The following FHAD1 variants were observed in gnomAD, a reference collection of about 807,000 sequenced individuals.
The protein encoded by FHAD1 is forkhead-associated domain-containing protein 1.
In FHAD1, 146 loss-of-function variants were observed where a neutral mutation model predicts 191.3. That is an observed-to-expected ratio of 0.76 (90% CI 0.67 to 0.88). The LOEUF (loss-of-function observed/expected upper bound fraction) is 0.88, where lower values mean the gene tolerates loss of function less well. FHAD1 is among the 40% of genes least tolerant of loss of function. The pLI is 0.00. For missense variants in FHAD1, 1,635 were observed against 1,785.8 expected (o/e 0.92, Z 1.52); for synonymous variants, 616 against 672.3 (o/e 0.92, Z 1.29).
At chr1:15,285,675 A>C (rs535389557) in intron 3 of FHAD1, among the ~76,000 whole-genome samples, 2 of 152,332 alleles carry the variant, frequency 1.3e-5, no homozygotes, top group South Asian at 4.1e-4. Context: ...ACAAGTGACA[A>C]AACCAGCTCA....
intron 18 of FHAD1, among the ~76,000 whole-genome samples, chr1:15,347,609 G>A (rs940654968): frequency 6.6e-6 from 1 of 152,176 alleles, no homozygotes; most frequent in African/African-American, 2.4e-5. Flanking sequence ...CACCATGCCT[G>A]GCTAATTTTT....
chr1:15,383,176 C>A (rs1192758886), intron 31 of FHAD1: 1 of 471,688 alleles, frequency 2.1e-6, no homozygotes, highest in Admixed American at 2.3e-5. Flanking sequence ...CTTCCAGCCC[C>A]TGCCTCGCAG....
downstream of FHAD1, among the ~76,000 whole-genome samples, chr1:15,398,823 CT>C (rs1172501958): frequency 2.3e-3 from 335 of 142,566 alleles, no homozygotes; most frequent in Middle Eastern, 0.011. Context: ...ATCATGAATA[CT>C]TTTTTTTTTT....
intron 33 of FHAD1, among the ~76,000 whole-genome samples, chr1:15,395,533 A>G (rs572748303): frequency 6.6e-5 from 10 of 152,110 alleles, no homozygotes; most frequent in South Asian, 6.2e-4. Flanking sequence ...CTCACAGCCC[A>G]TTACCCCGAC....
At chr1:15,293,501 C>CTT (rs1558025573) in intron 4 of FHAD1, among the ~76,000 whole-genome samples, 63 of 152,220 alleles carry the variant, frequency 4.1e-4, no homozygotes, top group African/African-American at 1.5e-3. Context: ...GGGCGAATCA[C>CTT]AAGGTCGGGA....
At position 15,272,998 on chromosome 1, in the gene FHAD1, C is replaced by G. The variant is rs1048923940; in HGVS notation, c.300+469C>G. On this transcript the variant is annotated intron_variant, in intron 3 of 33. Coordinates refer to ENST00000688493, the MANE Select transcript of FHAD1 (RefSeq NM_001391957.1). ...GAAACTCAGTGTCCAAGTAGACGCT[C>G]TTAACACATAAGCGCCTGAAAAGCC... Among the ~76,000 whole-genome samples the G allele has an allele frequency of 2.0e-4, 31 of 152,252 alleles. 1 individual carries two copies. Among genetic ancestry groups the G allele is most frequent in the Admixed American group, 1.4e-3 (21 of 15,294 alleles).
At position 15,345,417 on chromosome 1, in the gene FHAD1, C is replaced by T. The variant is rs1296979903; in HGVS notation, c.2240C>T (p.Ala747Val). 7 of 1,552,154 alleles carry T rather than the reference C, an allele frequency of 4.5e-6. No individual in the cohort carries two copies. Among genetic ancestry groups the T allele is most frequent in the Non-Finnish European group, 6.1e-6 (7 of 1,146,938 alleles). ...LESLLAQQKK[A>V]LAKSITQEKN... ...ATTGAACAATGATCGTTGACTCAGGCTTTGGCGAAAAGCATTACCCAGGAG... is the reference window on the plus strand; with the variant it reads ...ATTGAACAATGATCGTTGACTCAGGTTTTGGCGAAAAGCATTACCCAGGAG... The change falls in exon 18 of 34, where the codon GCT becomes GTT. Residue 747 changes from alanine to valine, a missense_variant and splice_region_variant. By Grantham distance (64) the Ala-to-Val change is moderately conservative (BLOSUM62 0). Coordinates refer to ENST00000688493, the MANE Select transcript of FHAD1 (RefSeq NM_001391957.1).
At chr1:15,339,440 T>G in intron 14 of FHAD1, 41 bp from the exon 15 acceptor site, 1 of 1,013,848 alleles carries the variant, frequency 9.9e-7, no homozygotes, top group South Asian at 1.5e-5. Flanking sequence ...GCTTTGGAGT[T>G]GAATTGATAC....
At position 15,317,724 on chromosome 1, in the gene FHAD1, T is replaced by C. The variant is rs887338999; in HGVS notation, c.1261-100T>C. 4 of 722,092 alleles carry C rather than the reference T, an allele frequency of 5.5e-6. No homozygotes were observed. In the African/African-American group the frequency reaches 7.2e-5, roughly 13 times the overall value. The allele number at this position is 722,092 out of a possible 1,614,324, so 44.7% of individuals were successfully genotyped here. A position where few individuals can be genotyped will look rare whatever the true frequency, so the allele number is the denominator to read the frequency against. ...ATACCAGACAAGGTTTCCACCTTAATGGATGGGATGCCAGGGGATGATGAG... is the reference window on the plus strand; with the variant it reads ...ATACCAGACAAGGTTTCCACCTTAACGGATGGGATGCCAGGGGATGATGAG... On this transcript the variant is annotated intron_variant, in intron 9 of 33. Transcript: ENST00000688493.
Position 15,312,961 on chromosome 1 carries a change from TCTC to T in FHAD1, c.1040-95_1040-93del, listed in dbSNP as rs1672746997. ...CTGGGATCCTTGGAGACACCTCCCT[TCTC>T]AGTGCCAGGCTCGTCACAAACTGGT... is the stretch of plus-strand genomic sequence containing the variant. On this transcript the variant is annotated intron_variant, in intron 7 of 33. Coordinates refer to ENST00000688493, the MANE Select transcript of FHAD1 (RefSeq NM_001391957.1). This position sits in a 1 kb window ranked among gnomAD's most constrained non-coding sequence, Gnocchi z 4.7. 2.7e-6 allele frequency: 4 copies of T among 1,467,714 alleles called. No homozygotes were observed. Among genetic ancestry groups the T allele is most frequent in the South Asian group, 2.7e-5 (2 of 74,334 alleles). The allele number at this position is 1,467,714 out of a possible 1,614,324, so 90.9% of individuals were successfully genotyped here.
In FHAD1 at chr1:15,374,529, A is replaced by G. The variant is rs1292563610; in HGVS notation, c.3475A>G (p.Arg1159Gly). Reference protein sequence around the residue: ...EQQSFSDLGVRCKGSRHEEVI... With the variant: ...EQQSFSDLGVGCKGSRHEEVI... ...GCAATCCTTCAGCGATCTAGGGGTCAGGTGCAAAGGGTCCCGGCACGAGGA... is the reference window on the plus strand; with the variant it reads ...GCAATCCTTCAGCGATCTAGGGGTCGGGTGCAAAGGGTCCCGGCACGAGGA... Residue 1159 changes from arginine to glycine, a missense_variant, in exon 27 of 34, where the codon AGG (arginine) becomes GGG (glycine). Transcript: ENST00000688493. The G allele has an allele frequency of 1.3e-6, 2 of 1,551,728 alleles. No individual in the cohort carries two copies.
chr1:15,398,784 C>A (rs74226861), downstream of FHAD1, among the ~76,000 whole-genome samples: 47 of 133,712 alleles, frequency 3.5e-4, no homozygotes, highest in South Asian at 4.8e-4. Flanking sequence ...GCCAGGCAGC[C>A]AAAAAAAAAA....
intron 15 of FHAD1, among the ~76,000 whole-genome samples, chr1:15,340,673 A>G (rs1414359056): frequency 6.6e-6 from 1 of 152,166 alleles, no homozygotes; most frequent in Non-Finnish European, 1.5e-5. Flanking sequence ...AGCCCTAGAC[A>G]TGGATAGAGT....
intron 3 of FHAD1, among the ~76,000 whole-genome samples, chr1:15,284,770 T>C (rs1383747266): frequency 1.3e-5 from 2 of 152,124 alleles, no homozygotes; most frequent in Non-Finnish European, 1.5e-5. Context: ...TTCAAGCTGA[T>C]AGAAATTCAG....
Position 15,329,898 on chromosome 1 carries a change from A to C in FHAD1, c.1906+357A>C. ...ACCCTGTCTATGCCTCAGTTTCCCT[A>C]TCTGTAAAATGAGGCTAATAGGGAG... On this transcript the variant is annotated intron_variant, in intron 14 of 33. Transcript: ENST00000688493. The surrounding 1 kb of genome is among the most constrained non-coding windows in gnomAD (Gnocchi z 5.0). 1 of 253,304 alleles carries C rather than the reference A, an allele frequency of 3.9e-6. No homozygotes were observed. Among genetic ancestry groups the C allele is most frequent in the East Asian group, 8.3e-5 (1 of 12,012 alleles). 15.7% of individuals were successfully genotyped at this position (253,304 alleles called of 1,614,324 possible).
rs927808997 is a variant in FHAD1, at chr1:15,289,596, T to C, written c.498T>C (p.Pro166=). The change falls in exon 4 of 34, where the codon CCT becomes CCC. Residue 166 remains proline (P), a synonymous_variant. Transcript: ENST00000688493. This position sits in a 1 kb window ranked among gnomAD's most constrained non-coding sequence, Gnocchi z 4.2. ...TCCTGCCGGCCTCCCACAGGCGGCC[T>C]GTGAGCGCCAACAAGGAGATGTTCT... The part of the protein sequence containing the change: ...TVVLPASHRR[P]VSANKEMFSF... 2.6e-6 allele frequency: 4 copies of C among 1,551,582 alleles called. No individual in the cohort carries two copies. The African/African-American group carries it at 5.5e-5, about 21-fold the overall frequency.
At chr1:15,331,652 A>G (rs184403151) in intron 14 of FHAD1, among the ~76,000 whole-genome samples, 2 of 136,938 alleles carry the variant, frequency 1.5e-5, no homozygotes, top group Non-Finnish European at 3.3e-5. Flanking sequence ...GGCAGGAAGG[A>G]AGGCAGGAGG....
At chr1:15,255,535 C>T (rs1448614766) in intron 2 of FHAD1, among the ~76,000 whole-genome samples, 1 of 152,118 alleles carries the variant, frequency 6.6e-6, no homozygotes, top group Non-Finnish European at 1.5e-5. Flanking sequence ...CCGTTATTAT[C>T]ACTCATTCAT....
At chr1:15,380,829 C>T (rs1202151983) in intron 29 of FHAD1, 33 bp downstream of exon 29, 1 of 1,532,044 alleles carries the variant, frequency 6.5e-7, no homozygotes, top group Non-Finnish European at 8.8e-7. Context: ...CTGCTCCTAT[C>T]CAAAGCCTGG....
Sources: allele counts gnomAD v4.1 joint callset (sites outside exome capture counted in the v4.1 genomes callset), GRCh38; gene constraint gnomAD v4.1.1; non-coding constraint Gnocchi (gnomAD v3.1); transcripts MANE v1.5; gene names NCBI Gene and HGNC (gene_info 2026-07-23, HGNC 2026-07-21).